The following PSME4 variants were observed in gnomAD, a reference collection of about 807,000 sequenced individuals.
PSME4 encodes the protein proteasome activator subunit 4, also known as proteasome activator complex subunit 4.
PSME4 carries 89 observed loss-of-function variants against 253.9 expected under a neutral mutation model. The observed-to-expected ratio is 0.35, with a 90% CI of 0.30 to 0.42. The LOEUF is 0.42. Among genes scored for constraint, PSME4 ranks in the 10% least tolerant of loss-of-function variants. PSME4 has a pLI of 1.00. For missense variants in PSME4, 2,014 were observed against 2,195.2 expected (o/e 0.92, Z 1.65); for synonymous variants, 851 against 759.2 (o/e 1.12, Z -1.99).
At chr2:53,940,973 A>T (rs1387220091) in intron 3 of PSME4, among the ~76,000 whole-genome samples, 3 of 61,124 alleles carry the variant, frequency 4.9e-5, no homozygotes, top group Non-Finnish European at 7.5e-5. Context: ...ATATATATAT[A>T]TATATATATA....
At chr2:53,923,140 T>C in intron 15 of PSME4, 22 bp from the exon 16 acceptor site, 2 of 1,580,798 alleles carry the variant, frequency 1.3e-6, no homozygotes, top group Non-Finnish European at 8.6e-7. Context: ...TTTGTATAAG[T>C]AAGGCTTTTT....
chr2:53,887,149 A>C (rs1021793056), intron 40 of PSME4, 110 bp downstream of exon 40: 1 of 998,706 alleles, frequency 1.0e-6, no homozygotes, highest in Non-Finnish European at 1.5e-6. Context: ...TAAAACAGTA[A>C]ATTTTTCATT....
At chr2:53,911,857 G>C (rs950049523) in intron 20 of PSME4, among the ~76,000 whole-genome samples, 4 of 152,122 alleles carry the variant, frequency 2.6e-5, no homozygotes, top group African/African-American at 9.6e-5. Context: ...TATCTAAAAA[G>C]CCTGTCATTT....
chr2:53,927,250 T>C (rs980777123), intron 12 of PSME4, 144 bp downstream of exon 12: 3 of 611,070 alleles, frequency 4.9e-6, no homozygotes, highest in Non-Finnish European at 8.6e-6. Flanking sequence ...TTGCCAATGA[T>C]GTCCTGGCCC....
intron 12 of PSME4, 82 bp from the exon 13 acceptor site, chr2:53,926,105 C>A (rs1668545134): frequency 9.5e-7 from 1 of 1,048,904 alleles, no homozygotes; most frequent in Admixed American, 1.9e-5. Context: ...TTATTGCCTG[C>A]CAAATGTATC....
chr2:53,871,161 A>T (rs1202939265), intron 43 of PSME4, among the ~76,000 whole-genome samples: 1 of 152,228 alleles, frequency 6.6e-6, no homozygotes, highest in Non-Finnish European at 1.5e-5. Context: ...AATTAGGAGT[A>T]GCTAAAAATG....
At chr2:53,959,808 C>G (rs1212372393) in intron 1 of PSME4, among the ~76,000 whole-genome samples, 5 of 152,160 alleles carry the variant, frequency 3.3e-5, no homozygotes, top group Non-Finnish European at 1.5e-5. Flanking sequence ...ATTCAAAAAG[C>G]ATTTCTAGAG....
intron 3 of PSME4, among the ~76,000 whole-genome samples, chr2:53,941,621 G>T (rs1669459676): frequency 6.6e-6 from 1 of 152,020 alleles, no homozygotes. Flanking sequence ...AAAAAGCACA[G>T]ATCTTGGGTC....
At chr2:53,968,508 AAAC>A (rs1253704801) in intron 1 of PSME4, among the ~76,000 whole-genome samples, 2 of 152,194 alleles carry the variant, frequency 1.3e-5, no homozygotes, top group African/African-American at 2.4e-5. Flanking sequence ...AAGGCTTAAA[AAAC>A]AACAAGCACA....
chr2:53,915,550 C>A (rs544385476), intron 20 of PSME4, among the ~76,000 whole-genome samples: 9 of 151,500 alleles, frequency 5.9e-5, no homozygotes, highest in African/African-American at 2.2e-4. Context: ...CATAGTGAGA[C>A]CTTGTCTCTC....
intron 26 of PSME4, among the ~76,000 whole-genome samples, chr2:53,904,882 G>A (rs1274752456): frequency 6.6e-6 from 1 of 151,740 alleles, no homozygotes; most frequent in Non-Finnish European, 1.5e-5. Context: ...CAGCTACCGG[G>A]GAGGCTGAGG....
intron 37 of PSME4, among the ~76,000 whole-genome samples, chr2:53,889,210 C>T (rs868100633): frequency 1.5e-4 from 23 of 152,218 alleles, no homozygotes; most frequent in Middle Eastern, 6.8e-3. Context: ...TAAGTATAGT[C>T]GTCCCTTGGT....
intron 21 of PSME4, among the ~76,000 whole-genome samples, chr2:53,909,390 G>T (rs1027890222): frequency 2.0e-5 from 3 of 151,948 alleles, no homozygotes; most frequent in African/African-American, 7.2e-5. Flanking sequence ...ATGATAGGAA[G>T]GTATAAAGTT....
intron 18 of PSME4, among the ~76,000 whole-genome samples, chr2:53,920,564 T>A (rs543426303): frequency 2.0e-5 from 3 of 152,208 alleles, no homozygotes; most frequent in African/African-American, 7.2e-5. Flanking sequence ...AGAGTACTCA[T>A]TATAATATGA....
At chr2:53,888,674 C>A (rs1679750610) in intron 38 of PSME4, 47 bp downstream of exon 38, 1 of 1,339,790 alleles carries the variant, frequency 7.5e-7, no homozygotes, top group South Asian at 1.2e-5. Flanking sequence ...CATAAGTTAA[C>A]ACAAAACCTT....
At position 53,874,455 on chromosome 2, in the gene PSME4, G is replaced by A; in HGVS notation, c.4984C>T (p.Leu1662=). The part of the protein sequence containing the change: ...SSSWHARYTV[L]TYLQTMVFYN... ...AATACCATGGTCTGGAGGTAGGTCA[G>A]TACTGTGTATCGTGCATGCCAAGAA... Residue 1662 remains leucine, a synonymous_variant, in exon 43 of 47, where the codon CTG becomes TTG. Transcript: ENST00000404125. 1 of 1,614,000 alleles carries A rather than the reference G, an allele frequency of 6.2e-7. No individual in the cohort carries two copies. Among genetic ancestry groups the A allele is most frequent in the Middle Eastern group, 1.6e-4 (1 of 6,062 alleles).
intron 20 of PSME4, among the ~76,000 whole-genome samples, chr2:53,912,915 G>A (rs1277690640): frequency 6.6e-6 from 1 of 152,136 alleles, no homozygotes; most frequent in Non-Finnish European, 1.5e-5. Flanking sequence ...GTAGCTTTTA[G>A]CTATGCACAT....
chr2:53,866,854 G>A lies in PSME4; in HGVS notation c.5290C>T (p.Leu1764=), dbSNP rs374063685. The change falls in exon 45 of 47, where the codon CTA becomes TTA. Residue 1764 remains leucine (L), a synonymous_variant. Coordinates refer to ENST00000404125, the MANE Select transcript of PSME4 (RefSeq NM_014614.3). ...GAAAGAACACATGCACCAAGTCCTA[G>A]CACCCCAGCATGGCGTTTGACCAAC... is the stretch of plus-strand genomic sequence containing the variant. ...AELVKRHAGV[L]GLGACVLSSP... is the part of the protein sequence containing the mutation. 1.2e-6 allele frequency: 2 copies of A among 1,613,930 alleles called. No individual in the cohort carries two copies. The highest frequency in any genetic ancestry group is 1.3e-5 in the African/African-American group (1 of 74,916).
chr2:53,923,281 G>C (rs186309828), intron 15 of PSME4, 40 bp downstream of exon 15: 2 of 1,560,852 alleles, frequency 1.3e-6, no homozygotes, highest in Admixed American at 2.0e-5. Flanking sequence ...CTAGTTGATT[G>C]TTGAGTCATT....
Sources: allele counts gnomAD v4.1 joint callset (sites outside exome capture counted in the v4.1 genomes callset), GRCh38; gene constraint gnomAD v4.1.1; transcripts MANE v1.5; gene names NCBI Gene and HGNC (gene_info 2026-07-23, HGNC 2026-07-21).